The following GTPBP6 variants were observed in gnomAD, a reference collection of about 807,000 sequenced individuals.
GTPBP6 encodes the protein GTP binding protein 6, also known as putative GTP-binding protein 6.
GTPBP6 carries 33 observed loss-of-function variants against 28.9 expected under a neutral mutation model. The observed-to-expected ratio is 1.14, with a 90% CI of 0.87 to 1.53. The LOEUF is 1.53. Among genes scored for constraint, GTPBP6 ranks in the 40% most tolerant of loss-of-function variants. GTPBP6 has a pLI of 0.00. For missense variants in GTPBP6, 507 were observed against 408.3 expected, an observed-to-expected ratio of 1.24 and a Z score of -2.08; for synonymous variants, 231 against 192.7, an observed-to-expected ratio of 1.20 and a Z score of -1.65.
chrX:305,330 T>G (rs1263674972), intron 9 of GTPBP6, 133 bp from the exon 10 acceptor site: 7 of 752,734 alleles, frequency 9.3e-6, no homozygotes, highest in South Asian at 3.7e-5. Context: ...TTTTGTTTTT[T>G]TTTTTTTTTG....
exon 10 of GTPBP6, chrX:305,044 C>T (rs773674147): frequency 5.3e-5 from 85 of 1,608,916 alleles, no homozygotes; most frequent in Non-Finnish European, 6.7e-5. Flanking sequence ...CAGCGATGCC[C>T]CCACCCCGCA....
exon 3 of GTPBP6, chrX:315,287 C>A (rs1302970886): frequency 1.0e-5 from 4 of 398,498 alleles, no homozygotes; most frequent in Non-Finnish European, 1.8e-5. Flanking sequence ...GTCTGGAGAC[C>A]CTCGGATCTT....
exon 6 of GTPBP6, chrX:312,875 G>A (rs1140798): frequency 0.44 from 711,649 of 1,610,878 alleles, 160,593 homozygotes; most frequent in South Asian, 0.61. Context: ...TCCTGATCTT[G>A]GCCTCCTTCT....
rs112484289 is a variant in GTPBP6 at position 305,236 on chromosome X, C to T, written c.1428-39G>A. ...CGCGTTGTATGGAGACAAGCAGAAC[C>T]CGTAAGTATTTGCTTAGTTTCATGA... On this transcript the variant is annotated intron_variant, in intron 9 of 9. Transcript: ENST00000326153. 2,439 of 1,466,224 alleles carry T rather than the reference C, an allele frequency of 1.7e-3. 23 individuals carry two copies. The African/African-American group carries it at 0.031, about 18-fold the overall frequency. The allele number at this position is 1,466,224 out of a possible 1,614,324, so 90.8% of individuals were successfully genotyped here.
chrX:317,453 C>G (rs1488133726), intron 1 of GTPBP6, among the ~76,000 whole-genome samples: 3 of 150,374 alleles, frequency 2.0e-5, no homozygotes, highest in Admixed American at 6.7e-5. Context: ...GGAAAACACC[C>G]GTAAAGAAAA....
At chrX:306,506 T>G (rs2070168379) in intron 9 of GTPBP6, among the ~76,000 whole-genome samples, 1 of 146,214 alleles carries the variant, frequency 6.8e-6, no homozygotes, top group Non-Finnish European at 1.5e-5. Context: ...ACCTGTTGTA[T>G]GCACAGTCAG....
At chrX:313,069 C>T (rs747865044) in intron 5 of GTPBP6, 145 bp from the exon 6 acceptor site, 57 of 658,326 alleles carry the variant, frequency 8.7e-5, no homozygotes, top group African/African-American at 3.8e-4. Context: ...GCAGCGGCCC[C>T]GACACGTCCT....
In GTPBP6 at chrX:313,891, C is replaced by CT. The variant is rs755817195; in HGVS notation, c.757+258dup. 4.0e-5 allele frequency among the ~76,000 whole-genome samples: 6 copies of CT among 151,766 alleles called. No homozygotes were observed. In the East Asian group the frequency reaches 1.2e-3, roughly 29 times the overall value. On this transcript the variant is annotated intron_variant, in intron 5 of 9. Transcript: ENST00000326153. ...TGCTGTTTAAATCCCCAGTTTGTGG[C>CT]TACTGATTTAGGCAAAACCTCCAAA...
In GTPBP6 at chrX:305,100, TGCCGTAG is replaced by T; in HGVS notation, c.1518_1524del (p.Tyr507AsnfsTer65). 4 of 1,613,358 alleles carry T rather than the reference TGCCGTAG, an allele frequency of 2.5e-6. No individual in the cohort carries two copies. The highest frequency in any genetic ancestry group is 3.4e-6 in the Non-Finnish European group (4 of 1,179,538). Reference sequence around the variant, plus strand: ...CATCCTGGAAAGAGCTTCCGGAATTTGCCGTAGGCTGAGTTGCTGATGATGACCCTCA... The same window carrying T: ...CATCCTGGAAAGAGCTTCCGGAATTTGCTGAGTTGCTGATGATGACCCTCA... On this transcript the variant is annotated frameshift_variant, in exon 10 of 10. Coordinates refer to ENST00000326153, the Ensembl canonical transcript of GTPBP6. LOFTEE classifies it high-confidence loss of function.
chrX:314,535 T>G (rs62580119), intron 4 of GTPBP6, among the ~76,000 whole-genome samples: 7 of 150,260 alleles, frequency 4.7e-5, no homozygotes, highest in East Asian at 2.0e-4. Context: ...TGCAGTGGCG[T>G]GATCTCGGCT....
chrX:306,178 C>T (rs1468660631), intron 9 of GTPBP6, among the ~76,000 whole-genome samples: 2 of 152,088 alleles, frequency 1.3e-5, no homozygotes, highest in East Asian at 1.9e-4. Flanking sequence ...GCAGATTAGG[C>T]ACCTGTTGTA....
intron 2 of GTPBP6, among the ~76,000 whole-genome samples, chrX:316,639 G>A (rs1407820352): frequency 1.3e-5 from 2 of 152,104 alleles, no homozygotes; most frequent in Admixed American, 6.5e-5. Context: ...CCGGTCCACC[G>A]CCTACCCTGT....
chrX:317,184 C>T (rs1288352285), intron 1 of GTPBP6, 133 bp from the exon 2 acceptor site: 2 of 397,788 alleles, frequency 5.0e-6, no homozygotes, highest in South Asian at 1.3e-4. Flanking sequence ...GTTTGTCCCC[C>T]GATATGACTT....
At chrX:318,733 G>A (rs2070486065) in exon 1 of GTPBP6, 5 of 339,750 alleles carry the variant, frequency 1.5e-5, no homozygotes, top group Admixed American at 4.9e-5. Flanking sequence ...GAGCGGCCGC[G>A]GCCCACGCGG....
intron 2 of GTPBP6, among the ~76,000 whole-genome samples, chrX:316,340 GACAC>G (rs1168593634): frequency 0.028 from 2,647 of 94,432 alleles, 159 homozygotes; most frequent in African/African-American, 0.1. Context: ...TCCCATTGGG[GACAC>G]ACACACACAC....
chrX:307,237 T>C (rs2070189608), intron 9 of GTPBP6, 123 bp downstream of exon 9: 4 of 838,044 alleles, frequency 4.8e-6, no homozygotes, highest in East Asian at 2.6e-5. Context: ...ATTCATCTCG[T>C]CTGTACATCC....
chrX:307,002 CTG>C (rs1025650488), intron 9 of GTPBP6, among the ~76,000 whole-genome samples: 2 of 148,554 alleles, frequency 1.3e-5, no homozygotes, highest in Non-Finnish European at 3.0e-5. Flanking sequence ...TACATTTTGA[CTG>C]TCAAGCACAG....
At chrX:313,590 T>C (rs1278206580) in intron 5 of GTPBP6, among the ~76,000 whole-genome samples, 1 of 152,132 alleles carries the variant, frequency 6.6e-6, no homozygotes, top group Admixed American at 6.5e-5. Context: ...GTGTTTGTCA[T>C]AACTGAAGTA....
exon 3 of GTPBP6, chrX:315,286 C>T (rs1345735517): frequency 2.8e-5 from 11 of 398,410 alleles, no homozygotes; most frequent in Non-Finnish European, 4.4e-6. Context: ...TGTCTGGAGA[C>T]CCTCGGATCT....
Sources: gnomAD v4.1 joint callset for allele counts (sites outside exome capture counted in the v4.1 genomes callset) on GRCh38, gnomAD v4.1.1 for gene constraint, MANE v1.5 for transcripts, NCBI Gene and HGNC (gene_info 2026-07-23, HGNC 2026-07-21) for gene names.